Variants in GPC3 observed in about 807,000 individuals in gnomAD.
The protein encoded by GPC3 is glypican 3, also known as glypican-3.
GPC3 carries 3 observed loss-of-function variants against 34.4 expected under a neutral mutation model. That is an observed-to-expected ratio of 0.09 (90% confidence interval 0.04 to 0.23). The LOEUF (loss-of-function observed/expected upper bound fraction) is 0.23, where lower values mean the gene tolerates loss of function less well. Among genes scored for constraint, GPC3 ranks in the 10% least tolerant of loss-of-function variants. GPC3 has a pLI of 1.00. For missense variants in GPC3, 351 were observed against 445.6 expected (o/e 0.79, Z 1.91); for synonymous variants, 177 against 174.0 (o/e 1.02, Z -0.13).
intron 6 of GPC3, among the ~76,000 whole-genome samples, chrX:133,657,414 C>CA (rs1402758465): frequency 8.9e-6 from 1 of 111,801 alleles, no homozygotes; most frequent in Non-Finnish European, 1.9e-5. Context: ...ATGATACTAA[C>CA]AAAAACAAAA....
intron 2 of GPC3, among the ~76,000 whole-genome samples, chrX:133,846,437 C>G (rs760480465): frequency 1.8e-5 from 2 of 111,715 alleles, no homozygotes; most frequent in Non-Finnish European, 3.8e-5. Flanking sequence ...GACAAATACT[C>G]TAATATTTAC....
chrX:133,855,994 C>A (rs1674391709), intron 2 of GPC3, among the ~76,000 whole-genome samples: 3 of 111,926 alleles, frequency 2.7e-5, no homozygotes, highest in Admixed American at 1.9e-4. Context: ...TTCCATCATA[C>A]ACACACAAGC....
intron 2 of GPC3, among the ~76,000 whole-genome samples, chrX:133,785,313 T>G (rs1479005527): frequency 1.8e-5 from 2 of 110,821 alleles, no homozygotes; most frequent in African/African-American, 6.6e-5. Context: ...TAGACTAGAG[T>G]GTCAGGTAAA....
intron 7 of GPC3, among the ~76,000 whole-genome samples, chrX:133,547,862 T>C (rs2069400443): frequency 9.0e-6 from 1 of 110,608 alleles, no homozygotes; most frequent in Admixed American, 9.7e-5. Flanking sequence ...GGTTTCACCA[T>C]GTTGTCCGGG....
At chrX:133,767,773 G>C (rs1396203268) in intron 2 of GPC3, among the ~76,000 whole-genome samples, 2 of 111,098 alleles carry the variant, frequency 1.8e-5, no homozygotes, top group African/African-American at 6.6e-5. Flanking sequence ...CAGGTGGGCA[G>C]GGGTGGCACA....
At chrX:133,537,627 T>C (rs953993199) in intron 7 of GPC3, among the ~76,000 whole-genome samples, 3 of 111,925 alleles carry the variant, frequency 2.7e-5, no homozygotes, top group African/African-American at 9.7e-5. Flanking sequence ...AAAGGTCTAT[T>C]GCAATCTATA....
At chrX:133,968,857 T>G (rs1447102783) in intron 1 of GPC3, among the ~76,000 whole-genome samples, 2 of 110,818 alleles carry the variant, frequency 1.8e-5, no homozygotes, top group Non-Finnish European at 3.8e-5. Flanking sequence ...GCTGCACTTT[T>G]GCACTGATAC....
At chrX:133,624,481 A>T (rs981150713) in intron 6 of GPC3, among the ~76,000 whole-genome samples, 3 of 111,991 alleles carry the variant, frequency 2.7e-5, no homozygotes, top group African/African-American at 9.7e-5. Flanking sequence ...AGGGGATAAC[A>T]TCACCAATCC....
intron 2 of GPC3, among the ~76,000 whole-genome samples, chrX:133,834,796 G>A (rs886995756): frequency 8.9e-6 from 1 of 111,966 alleles, no homozygotes; most frequent in Non-Finnish European, 1.9e-5. Flanking sequence ...TTGTTCCTTT[G>A]CAAAACTATA....
chrX:133,687,092 A>ATTTAT (rs1556257630), intron 5 of GPC3, among the ~76,000 whole-genome samples: 2 of 69,280 alleles, frequency 2.9e-5, no homozygotes, highest in Admixed American at 1.7e-4. Flanking sequence ...TGGCCGGCTA[A>ATTTAT]TTTTTTTTTT....
intron 6 of GPC3, among the ~76,000 whole-genome samples, chrX:133,650,488 C>T (rs865928742): frequency 1.9e-5 from 2 of 105,689 alleles, no homozygotes; most frequent in Admixed American, 1.1e-4. Context: ...CACACACACA[C>T]ATATAAAAAA....
At chrX:133,978,910 C>T (rs2076527220) in intron 1 of GPC3, among the ~76,000 whole-genome samples, 1 of 112,047 alleles carries the variant, frequency 8.9e-6, no homozygotes, top group African/African-American at 3.2e-5. Flanking sequence ...CAGTAATAAA[C>T]TTAGTTGCAA....
chrX:133,733,125 TC>T, intron 3 of GPC3, among the ~76,000 whole-genome samples: 1 of 111,235 alleles, frequency 9.0e-6, no homozygotes, highest in East Asian at 2.8e-4. Flanking sequence ...CGAAATAAGA[TC>T]TTTTGCAGCA....
chrX:133,792,915 G>A (rs1023581271), intron 2 of GPC3, among the ~76,000 whole-genome samples: 5 of 111,691 alleles, frequency 4.5e-5, no homozygotes, highest in Non-Finnish European at 9.4e-5. Context: ...TACACACTAG[G>A]GGAGGGAGCC....
At chrX:133,910,312 AC>A (rs2076192161) in intron 2 of GPC3, among the ~76,000 whole-genome samples, 1 of 111,352 alleles carries the variant, frequency 9.0e-6, no homozygotes, top group African/African-American at 3.3e-5. Flanking sequence ...TTGTAGAAGC[AC>A]CCCCATATCA....
intron 2 of GPC3, among the ~76,000 whole-genome samples, chrX:133,830,738 G>A (rs1339802805): frequency 1.0e-5 from 1 of 99,941 alleles, no homozygotes; most frequent in African/African-American, 3.6e-5. Context: ...CATAGGAGAT[G>A]TTTTTTGACC....
In GPC3 at chrX:133,692,471, G is replaced by A. The variant is rs2071074547; in HGVS notation, c.1190C>T (p.Ser397Phe). The stretch of plus-strand genomic sequence containing the variant: ...CAAAGCACTATAGAAGCTGATGAAA[G>A]ACTTCAACTTCTGAATTAGTTCCCT... ...RRRELIQKLK[S>F]FISFYSALPG... Residue 397 changes from serine to phenylalanine, a missense_variant, in exon 5 of 8, where the codon TCT becomes TTT. Ser to Phe is a radical substitution (Grantham distance 155). Coordinates refer to ENST00000370818, the MANE Select transcript of GPC3 (RefSeq NM_004484.4). 2 of 1,204,781 alleles carry A rather than the reference G, an allele frequency of 1.7e-6. No homozygotes were observed. Among genetic ancestry groups the A allele is most frequent in the Non-Finnish European group, 2.2e-6 (2 of 888,922 alleles).
chrX:133,856,557 T>G (rs892633953), intron 2 of GPC3, among the ~76,000 whole-genome samples: 2 of 111,585 alleles, frequency 1.8e-5, no homozygotes, highest in Non-Finnish European at 3.8e-5. Context: ...TTCCACATTC[T>G]CTGCTACAAT....
intron 2 of GPC3, among the ~76,000 whole-genome samples, chrX:133,904,377 T>C (rs755041667): frequency 9.0e-6 from 1 of 111,266 alleles, no homozygotes; most frequent in African/African-American, 3.3e-5. Context: ...GCAAACAAAT[T>C]GGGAAGTAAA....
Sources: allele counts gnomAD v4.1 joint callset (sites outside exome capture counted in the v4.1 genomes callset), GRCh38; gene constraint gnomAD v4.1.1; transcripts MANE v1.5; gene names NCBI Gene and HGNC (gene_info 2026-07-23, HGNC 2026-07-21).